RANBP2: variants seen among roughly 807,000 people sequenced by gnomAD.
RANBP2 encodes E3 SUMO-protein ligase RanBP2.
Under a neutral mutation model 303.6 loss-of-function variants are expected in RANBP2, and 57 were observed. The ratio of observed to expected loss-of-function variants is 0.19; its 90% CI spans 0.15 to 0.23. The LOEUF (loss-of-function observed/expected upper bound fraction) is 0.23, where lower values mean the gene tolerates loss of function less well. Ranked by LOEUF, RANBP2 falls within the 10% of genes least tolerant of loss-of-function variation. The probability of loss-of-function intolerance (pLI) is 1.00; values close to 1 mark genes in which losing one functional copy is unlikely to be tolerated. For synonymous variants in RANBP2, 1,167 were observed against 1,301.5 expected, an observed-to-expected ratio of 0.90 and a Z score of 2.23; for missense variants, 3,138 against 3,780.8, an observed-to-expected ratio of 0.83 and a Z score of 4.46.
At chr2:108,910,779 G>T in the RANBP2 span, 8 of 1,612,986 alleles carry the variant, frequency 5.0e-6, no homozygotes, top group Non-Finnish European at 6.8e-6. Flanking sequence ...CACAGACCTG[G>T]GGCCTCTTTC....
chr2:109,694,999 C>T, the RANBP2 span, among the ~76,000 whole-genome samples: 4 of 152,110 alleles, frequency 2.6e-5, no homozygotes, highest in Non-Finnish European at 4.4e-5. Context: ...TTCTCCATTG[C>T]TCAGATGGGG....
At chr2:108,921,115 C>G in the RANBP2 span, among the ~76,000 whole-genome samples, 1 of 152,208 alleles carries the variant, frequency 6.6e-6, no homozygotes, top group African/African-American at 2.4e-5. Context: ...CTGAAACCCT[C>G]TGCTTCACAG....
the RANBP2 span, among the ~76,000 whole-genome samples, chr2:109,234,527 T>C: frequency 0.013 from 1,943 of 152,326 alleles, 20 homozygotes; most frequent in South Asian, 0.024. Flanking sequence ...TCTGAAACAT[T>C]TCTGTATTGG....
At chr2:109,566,267 CCCA>C in the RANBP2 span, among the ~76,000 whole-genome samples, 11 of 151,992 alleles carry the variant, frequency 7.2e-5, no homozygotes, top group African/African-American at 2.7e-4. Context: ...ATTACAGTTG[CCCA>C]CCACAACATC....
rs538723583 is a variant in RANBP2, at chr2:108,744,765, C to T, written c.976-1946C>T. Among the ~76,000 whole-genome samples the T allele has an allele frequency of 1.1e-3, 167 of 152,240 alleles. 4 individuals carry two copies. Among genetic ancestry groups the T allele is most frequent in the Middle Eastern group, 6.8e-3 (2 of 294 alleles). On this transcript the variant is annotated intron_variant, in intron 7 of 28. Coordinates refer to ENST00000283195, the MANE Select transcript of RANBP2 (RefSeq NM_006267.5). ...ATATATACATGGTTTAAAATTCTGGCGGCTCTTAAGAATATGCTATGAAGA... is the reference window on the plus strand; with the variant it reads ...ATATATACATGGTTTAAAATTCTGGTGGCTCTTAAGAATATGCTATGAAGA...
the RANBP2 span, chr2:109,613,281 T>G: frequency 1.2e-6 from 1 of 809,614 alleles, no homozygotes; most frequent in Non-Finnish European, 1.7e-6. Context: ...TACAAAAGAG[T>G]CAAGGCGGGA....
chr2:109,172,196 A>T, the RANBP2 span, among the ~76,000 whole-genome samples: 1 of 152,182 alleles, frequency 6.6e-6, no homozygotes, highest in African/African-American at 2.4e-5. Context: ...TAGCTCTCAG[A>T]CCAGGGTCCT....
Position 108,782,257 on chromosome 2 carries a change from A to G in RANBP2, c.8890A>G (p.Thr2964Ala), listed in dbSNP as rs1392315376. The G allele has an allele frequency of 6.2e-7, 1 of 1,614,192 alleles. No homozygotes were observed. The highest frequency in any genetic ancestry group is 8.5e-7 in the Non-Finnish European group (1 of 1,180,020). Residue 2964 changes from threonine (T) to alanine (A), a missense_variant, in exon 27 of 29, where the codon ACA becomes GCA. This residue lies in a region of RANBP2 where 68 missense variants were observed against 117.4 expected (regional missense o/e 0.58). Coordinates refer to ENST00000283195, the MANE Select transcript of RANBP2 (RefSeq NM_006267.5). ...GVGDIKILWH[T>A]MKNYYRILMR... Reference sequence around the variant, plus strand: ...TGGAGATATAAAGATTCTTTGGCATACAATGAAGAATTATTACCGGATCCT... The same window carrying G: ...TGGAGATATAAAGATTCTTTGGCATGCAATGAAGAATTATTACCGGATCCT...
the RANBP2 span, among the ~76,000 whole-genome samples, chr2:108,793,882 G>A: frequency 6.6e-6 from 1 of 151,832 alleles, no homozygotes; most frequent in Non-Finnish European, 1.5e-5. Flanking sequence ...GATTATAGGC[G>A]TGAGCCACCG....
intron 23 of RANBP2, among the ~76,000 whole-genome samples, chr2:108,774,936 C>A (rs1677771816): frequency 6.6e-6 from 1 of 152,102 alleles, no homozygotes; most frequent in South Asian, 2.1e-4. Context: ...AAGTGTTCCT[C>A]CTGACTTGGC....
downstream of RANBP2, among the ~76,000 whole-genome samples, chr2:108,786,585 A>G (rs1022520141): frequency 2.0e-5 from 3 of 151,840 alleles, no homozygotes; most frequent in African/African-American, 7.3e-5. Context: ...GGGCAGGACT[A>G]TCGCGGGGAG....
chr2:109,547,406 G>A, the RANBP2 span, among the ~76,000 whole-genome samples: 2 of 145,664 alleles, frequency 1.4e-5, no homozygotes, highest in Non-Finnish European at 3.0e-5. Flanking sequence ...TGAAAATAAG[G>A]GGTCATTCCA....
At chr2:109,495,805 T>G in the RANBP2 span, among the ~76,000 whole-genome samples, 49 of 152,338 alleles carry the variant, frequency 3.2e-4, no homozygotes, top group African/African-American at 1.2e-3. Flanking sequence ...TTCTTCATTT[T>G]TATAGTCCTA....
At chr2:108,990,461 T>C in the RANBP2 span, among the ~76,000 whole-genome samples, 89 of 94,418 alleles carry the variant, frequency 9.4e-4, no homozygotes, top group Non-Finnish European at 1.6e-3. Context: ...AAAAAAAATA[T>C]ACAAAAATTA....
At chr2:109,396,740 C>T in the RANBP2 span, among the ~76,000 whole-genome samples, 24 of 152,250 alleles carry the variant, frequency 1.6e-4, no homozygotes, top group African/African-American at 5.8e-4. Context: ...CTGGCACCTG[C>T]GGGCCTCACA....
the RANBP2 span, among the ~76,000 whole-genome samples, chr2:109,643,038 G>A: frequency 3.3e-5 from 5 of 151,874 alleles, no homozygotes; most frequent in African/African-American, 4.8e-5. Context: ...AACATTAGCC[G>A]GGTGTGATGG....
chr2:109,395,162 G>T, the RANBP2 span, among the ~76,000 whole-genome samples: 1 of 152,382 alleles, frequency 6.6e-6, no homozygotes, highest in South Asian at 2.1e-4. Context: ...AGGCAGGCCA[G>T]TGCGTGCGCT....
the RANBP2 span, among the ~76,000 whole-genome samples, chr2:109,399,718 G>C: frequency 6.6e-6 from 1 of 152,240 alleles, no homozygotes; most frequent in South Asian, 2.1e-4. Context: ...CCCTCACAGT[G>C]GCATGCACAG....
the RANBP2 span, among the ~76,000 whole-genome samples, chr2:109,482,807 G>C: frequency 6.6e-6 from 1 of 152,120 alleles, no homozygotes; most frequent in Non-Finnish European, 1.5e-5. Context: ...ACGATGCGGC[G>C]GTCACGTCTT....
Sources: allele counts gnomAD v4.1 joint callset (sites outside exome capture counted in the v4.1 genomes callset), GRCh38; gene constraint gnomAD v4.1.1; regional missense constraint gnomAD v4.1.1; transcripts MANE v1.5; gene names NCBI Gene and HGNC (gene_info 2026-07-23, HGNC 2026-07-21).